The following DACH2 variants were observed in gnomAD, a reference collection of about 807,000 sequenced individuals.
The protein encoded by DACH2 is dachshund family transcription factor 2.
In DACH2, 17 loss-of-function variants were observed where a neutral mutation model predicts 35.8. That is an observed-to-expected ratio of 0.48 (90% CI 0.33 to 0.71). DACH2 has a LOEUF of 0.71. Ranked by LOEUF, DACH2 falls within the 30% of genes least tolerant of loss-of-function variation. The pLI, the probability that DACH2 is intolerant of heterozygous loss-of-function variation, is 0.02. For missense variants in DACH2, 469 were observed against 472.7 expected, an observed-to-expected ratio of 0.99 and a Z score of 0.07; for synonymous variants, 195 against 177.3, an observed-to-expected ratio of 1.10 and a Z score of -0.79.
intron 5 of DACH2, among the ~76,000 whole-genome samples, chrX:86,696,014 T>G (rs910048069): frequency 8.9e-6 from 1 of 112,168 alleles, no homozygotes; most frequent in Non-Finnish European, 1.9e-5. Flanking sequence ...TATTATTACT[T>G]AGCAATCACA....
chrX:86,701,563 G>A (rs1197622574), intron 5 of DACH2, among the ~76,000 whole-genome samples: 1 of 111,738 alleles, frequency 8.9e-6, no homozygotes, highest in Non-Finnish European at 1.9e-5. Flanking sequence ...AAGAGAGGAT[G>A]TCAAACTATC....
At chrX:86,208,203 AT>A (rs555880531) in intron 1 of DACH2, among the ~76,000 whole-genome samples, 1,663 of 106,562 alleles carry the variant, frequency 0.016, 33 homozygotes, top group African/African-American at 0.052. Flanking sequence ...AATAATAATA[AT>A]TTTTTTTTTT....
At chrX:86,774,695 G>T (rs892354488) in intron 7 of DACH2, among the ~76,000 whole-genome samples, 1 of 112,032 alleles carries the variant, frequency 8.9e-6, no homozygotes, top group African/African-American at 3.2e-5. Context: ...TATAATTTCA[G>T]TGGAAATGGT....
chrX:86,530,187 A>T (rs1325870610), intron 3 of DACH2, among the ~76,000 whole-genome samples: 1 of 112,215 alleles, frequency 8.9e-6, no homozygotes, highest in Admixed American at 9.5e-5. Flanking sequence ...ACTAATTTAA[A>T]AAAACATGAA....
chrX:86,541,313 C>A (rs969581198), intron 3 of DACH2, among the ~76,000 whole-genome samples: 1 of 111,302 alleles, frequency 9.0e-6, no homozygotes, highest in Non-Finnish European at 1.9e-5. Context: ...ATTGCTTTCA[C>A]CTTAATTCCA....
At chrX:86,824,232 C>T (rs975190157) in intron 11 of DACH2, among the ~76,000 whole-genome samples, 1 of 110,764 alleles carries the variant, frequency 9.0e-6, no homozygotes, top group African/African-American at 3.3e-5. Context: ...ATGCATTCTT[C>T]TCCAGGGTAT....
chrX:86,376,957 C>T (rs1351384617), intron 2 of DACH2, 95 bp downstream of exon 2: 14 of 372,116 alleles, frequency 3.8e-5, no homozygotes, highest in Non-Finnish European at 6.2e-5. Flanking sequence ...GTTCCCTGTA[C>T]TATACTCACT....
At position 86,570,184 on chromosome X, in the gene DACH2, C is replaced by A. The variant is rs201142950; in HGVS notation, c.640+55793C>A. Reference sequence around the variant, plus strand: ...TATTGTGGAAGACTGTGTGGTGGTTCCTCAAAGATTTAGAACTGGAAATAC... The same window carrying A: ...TATTGTGGAAGACTGTGTGGTGGTTACTCAAAGATTTAGAACTGGAAATAC... On this transcript the variant is annotated intron_variant, in intron 3 of 11. Coordinates refer to ENST00000373125, the MANE Select transcript of DACH2 (RefSeq NM_053281.3). Among the ~76,000 whole-genome samples, 9 of 111,333 alleles carry A rather than the reference C, an allele frequency of 8.1e-5. No individual in the cohort carries two copies. In the East Asian group the frequency reaches 2.6e-3, roughly 32 times the overall value.
intron 1 of DACH2, among the ~76,000 whole-genome samples, chrX:86,320,723 G>A (rs887346089): frequency 8.9e-6 from 1 of 112,216 alleles, no homozygotes; most frequent in African/African-American, 3.2e-5. Context: ...TGGTTAAGTA[G>A]CCATTGGCTT....
rs1258927797 is a variant in DACH2, at chrX:86,296,763, C to A, written c.489-80061C>A. The stretch of plus-strand genomic sequence containing the variant: ...AAATTTATTACATATATACTGGAGA[C>A]TTTACACATTTTACTAGGCTTATTC... On this transcript the variant is annotated intron_variant, in intron 1 of 11. Coordinates refer to ENST00000373125, the MANE Select transcript of DACH2 (RefSeq NM_053281.3). Among the ~76,000 whole-genome samples, 2 of 110,725 alleles carry A rather than the reference C, an allele frequency of 1.8e-5. 1 individual carries two copies. Among genetic ancestry groups the A allele is most frequent in the Non-Finnish European group, 3.8e-5 (2 of 53,026 alleles).
At chrX:86,154,038 C>G (rs1440402455) in intron 1 of DACH2, among the ~76,000 whole-genome samples, 4 of 111,653 alleles carry the variant, frequency 3.6e-5, no homozygotes, top group African/African-American at 1.3e-4. Context: ...TGGTTTTACA[C>G]AGGAAATACC....
chrX:86,493,025 C>T (rs2038115636), intron 2 of DACH2, among the ~76,000 whole-genome samples: 1 of 111,611 alleles, frequency 9.0e-6, no homozygotes, highest in Non-Finnish European at 1.9e-5. Context: ...TGAGAAATCG[C>T]CAAAGTGCTT....
At chrX:86,373,346 G>A (rs981333934) in intron 1 of DACH2, among the ~76,000 whole-genome samples, 1 of 110,986 alleles carries the variant, frequency 9.0e-6, no homozygotes, top group African/African-American at 3.3e-5. Context: ...GATTTTTAAA[G>A]CTCTGTACAG....
chrX:86,190,197 C>T (rs1285271801), intron 1 of DACH2, among the ~76,000 whole-genome samples: 1 of 109,798 alleles, frequency 9.1e-6, no homozygotes, highest in Non-Finnish European at 1.9e-5. Context: ...AACTTCATTT[C>T]TTTTGTCTTT....
chrX:86,400,234 G>T (rs1237213908), intron 2 of DACH2, among the ~76,000 whole-genome samples: 1 of 111,183 alleles, frequency 9.0e-6, no homozygotes, highest in Non-Finnish European at 1.9e-5. Flanking sequence ...AGCTCTATCA[G>T]GTCCTTTAAG....
At chrX:86,245,535 G>A (rs1231496705) in intron 1 of DACH2, among the ~76,000 whole-genome samples, 1 of 111,848 alleles carries the variant, frequency 8.9e-6, no homozygotes, top group Non-Finnish European at 1.9e-5. Flanking sequence ...CTAGCCCCGC[G>A]AGGTTATAGC....
At chrX:86,295,795 AGG>A (rs918022948) in intron 1 of DACH2, among the ~76,000 whole-genome samples, 3 of 110,537 alleles carry the variant, frequency 2.7e-5, no homozygotes, top group African/African-American at 1.0e-4. Flanking sequence ...CAGAGGAGCC[AGG>A]GGGATTTGGG....
intron 3 of DACH2, among the ~76,000 whole-genome samples, chrX:86,579,482 A>T (rs1054041084): frequency 9.0e-6 from 1 of 111,192 alleles, no homozygotes; most frequent in Admixed American, 9.6e-5. Flanking sequence ...TGGACAAAAA[A>T]AAAATGCACT....
intron 2 of DACH2, among the ~76,000 whole-genome samples, chrX:86,496,270 C>A (rs974060398): frequency 9.0e-6 from 1 of 111,478 alleles, no homozygotes; most frequent in Admixed American, 9.5e-5. Context: ...TAAACTAATT[C>A]TTTTATACTA....
Sources: allele counts gnomAD v4.1 joint callset (sites outside exome capture counted in the v4.1 genomes callset), GRCh38; gene constraint gnomAD v4.1.1; transcripts MANE v1.5; gene names NCBI Gene and HGNC (gene_info 2026-07-23, HGNC 2026-07-21).